RBKS: variants seen among roughly 807,000 people sequenced by gnomAD.
RBKS encodes ribokinase.
Under a neutral mutation model 33.9 loss-of-function variants are expected in RBKS, and 33 were observed. The ratio of observed to expected loss-of-function variants is 0.97; its 90% CI spans 0.74 to 1.30. RBKS has a LOEUF of 1.30. Among genes scored for constraint, RBKS ranks in the 50% most tolerant of loss-of-function variants. RBKS has a pLI of 0.00. For missense variants in RBKS, 361 were observed against 392.6 expected, an observed-to-expected ratio of 0.92 and a Z score of 0.68; for synonymous variants, 125 against 143.0, an observed-to-expected ratio of 0.87 and a Z score of 0.90.
rs536107304 is a variant in RBKS, at chr2:27,789,810, G to A, written c.796-8022C>T. Among the ~76,000 whole-genome samples, 14 of 150,530 alleles carry A rather than the reference G, an allele frequency of 9.3e-5. No homozygotes were observed. In the East Asian group the frequency reaches 2.0e-3, roughly 21 times the overall value. On this transcript the variant is annotated intron_variant, in intron 7 of 7. Coordinates refer to ENST00000302188, the MANE Select transcript of RBKS (RefSeq NM_022128.3). ...GAGCTCCTGACCTCGTGATCCACCCGCCACGCCCTCCCAAAGTGCTGGGAT... is the reference window on the plus strand; with the variant it reads ...GAGCTCCTGACCTCGTGATCCACCCACCACGCCCTCCCAAAGTGCTGGGAT...
intron 2 of RBKS, among the ~76,000 whole-genome samples, chr2:27,849,026 G>A (rs1253730623): frequency 6.6e-6 from 1 of 152,000 alleles, no homozygotes; most frequent in Non-Finnish European, 1.5e-5. Flanking sequence ...AGCCACTGGG[G>A]CTCACCATGT....
At chr2:27,784,333 G>A (rs1405692682) in intron 7 of RBKS, among the ~76,000 whole-genome samples, 4 of 152,136 alleles carry the variant, frequency 2.6e-5, no homozygotes, top group African/African-American at 9.7e-5. Flanking sequence ...TTAGACCTAA[G>A]GGCTTTCATA....
intron 2 of RBKS, among the ~76,000 whole-genome samples, chr2:27,855,299 T>C (rs376405750): frequency 2.6e-5 from 4 of 152,344 alleles, no homozygotes; most frequent in Admixed American, 1.3e-4. Flanking sequence ...AGTCTCACAT[T>C]TGAAGGAAGC....
intron 4 of RBKS, among the ~76,000 whole-genome samples, chr2:27,844,166 G>A (rs1012420193): frequency 1.3e-5 from 2 of 151,254 alleles, no homozygotes; most frequent in South Asian, 2.1e-4. Flanking sequence ...AGCCTGAGGC[G>A]TGAGAGTCGC....
intron 1 of RBKS, among the ~76,000 whole-genome samples, chr2:27,885,284 G>A (rs1258852084): frequency 1.3e-5 from 2 of 152,164 alleles, no homozygotes; most frequent in Non-Finnish European, 2.9e-5. Flanking sequence ...TGTTGGGATT[G>A]ACTCTGAATT....
intron 6 of RBKS, among the ~76,000 whole-genome samples, chr2:27,828,562 A>G (rs1301829161): frequency 4.6e-5 from 7 of 152,182 alleles, no homozygotes; most frequent in Admixed American, 4.6e-4. Context: ...AGAAAACGCA[A>G]TGCCCTGGCA....
chr2:27,791,737 A>G (rs1386860878), intron 7 of RBKS, among the ~76,000 whole-genome samples: 1 of 151,974 alleles, frequency 6.6e-6, no homozygotes, highest in Non-Finnish European at 1.5e-5. Context: ...TTCTCTGGTG[A>G]ACCCCAACTA....
Position 27,854,389 on chromosome 2 carries a change from G to C in RBKS, c.222+4050C>G, listed in dbSNP as rs940042134. 2.0e-5 allele frequency among the ~76,000 whole-genome samples: 3 copies of C among 152,150 alleles called. No individual in the cohort carries two copies. The East Asian group carries it at 5.8e-4, about 29-fold the overall frequency. On this transcript the variant is annotated intron_variant, in intron 2 of 7. Coordinates refer to ENST00000302188, the MANE Select transcript of RBKS (RefSeq NM_022128.3). ...AATGTACCGAGTTAGGAGGCCAGCA[G>C]GTCTTATTTTCCAGTTGGACCCTGC...
chr2:27,846,007 C>T (rs1293398148), intron 4 of RBKS, among the ~76,000 whole-genome samples: 4 of 152,112 alleles, frequency 2.6e-5, no homozygotes, highest in African/African-American at 9.7e-5. Context: ...CGTCGTCGCC[C>T]AGGCTGGAGT....
chr2:27,870,496 T>G, intron 1 of RBKS: 1 of 207,516 alleles, frequency 4.8e-6, no homozygotes, highest in Non-Finnish European at 1.0e-5. Flanking sequence ...GCCATCTCAC[T>G]TGTGTGTGTG....
At chr2:27,886,370 G>A (rs1664528051) in intron 1 of RBKS, among the ~76,000 whole-genome samples, 1 of 152,204 alleles carries the variant, frequency 6.6e-6, no homozygotes. Context: ...ATAGGCATGC[G>A]TGTCCAGGCT....
intron 2 of RBKS, among the ~76,000 whole-genome samples, chr2:27,857,510 T>C (rs1331885441): frequency 6.6e-6 from 1 of 152,208 alleles, no homozygotes; most frequent in Non-Finnish European, 1.5e-5. Context: ...TATATGTAGC[T>C]CATTAAGGCC....
intron 7 of RBKS, among the ~76,000 whole-genome samples, chr2:27,806,544 G>A (rs1677899655): frequency 6.6e-6 from 1 of 152,180 alleles, no homozygotes; most frequent in Non-Finnish European, 1.5e-5. Flanking sequence ...TTTTCCGGAT[G>A]AGAAACCAAG....
At position 27,843,199 on chromosome 2, in the gene RBKS, TTGCTCCAGCCA is replaced by T. The variant is rs761045333; in HGVS notation, c.371_381del (p.Val124GlufsTer17). 1 of 1,612,378 alleles carries T rather than the reference TTGCTCCAGCCA, an allele frequency of 6.2e-7. No homozygotes were observed. Among genetic ancestry groups the T allele is most frequent in the Non-Finnish European group, 8.5e-7 (1 of 1,179,192 alleles). Reference sequence around the variant, plus strand: ...AGATCCTCCGTATTCAAAAGTAAATTTGCTCCAGCCACTATGACAATGATATTCTGGCCTAT... The same window carrying T: ...AGATCCTCCGTATTCAAAAGTAAATTCTATGACAATGATATTCTGGCCTAT... On this transcript the variant is annotated frameshift_variant, in exon 5 of 8. Transcript: ENST00000302188. LOFTEE classifies it high-confidence loss of function.
chr2:27,790,228 T>C (rs1677497178), intron 7 of RBKS, among the ~76,000 whole-genome samples: 1 of 151,976 alleles, frequency 6.6e-6, no homozygotes, highest in African/African-American at 2.4e-5. Flanking sequence ...GGGCAGTCTT[T>C]TAAACAAATG....
chr2:27,794,611 T>A (rs937344090), intron 7 of RBKS, among the ~76,000 whole-genome samples: 1 of 141,102 alleles, frequency 7.1e-6, no homozygotes, highest in Non-Finnish European at 1.5e-5. Flanking sequence ...GAGGAACACT[T>A]TCGTTTTTTT....
chr2:27,830,853 G>A (rs1309357660), intron 6 of RBKS, among the ~76,000 whole-genome samples: 1 of 152,154 alleles, frequency 6.6e-6, no homozygotes, highest in Non-Finnish European at 1.5e-5. Context: ...GTGATGCCGT[G>A]TTACTTCCGA....
intron 7 of RBKS, among the ~76,000 whole-genome samples, chr2:27,825,367 C>T (rs1173953789): frequency 6.6e-6 from 1 of 152,210 alleles, no homozygotes; most frequent in Non-Finnish European, 1.5e-5. Context: ...AGATTATATT[C>T]ACTTAATCAT....
At chr2:27,800,552 G>C (rs1259436161) in intron 7 of RBKS, among the ~76,000 whole-genome samples, 1 of 152,156 alleles carries the variant, frequency 6.6e-6, no homozygotes, top group African/African-American at 2.4e-5. Flanking sequence ...TTCAACAAAG[G>C]TGAGGCAGAC....
Sources: allele counts gnomAD v4.1 joint callset (sites outside exome capture counted in the v4.1 genomes callset), GRCh38; gene constraint gnomAD v4.1.1; transcripts MANE v1.5; gene names NCBI Gene and HGNC (gene_info 2026-07-23, HGNC 2026-07-21).